The following KDM6A variants were observed in gnomAD, a reference collection of about 807,000 sequenced individuals.
The protein encoded by KDM6A is lysine demethylase 6A.
KDM6A carries 11 observed loss-of-function variants against 117.6 expected under a neutral mutation model. The observed-to-expected ratio is 0.09, with a 90% CI of 0.06 to 0.15. The LOEUF is 0.15. Among genes scored for constraint, KDM6A ranks in the 10% least tolerant of loss-of-function variants. The pLI is 1.00. For missense variants in KDM6A, 799 were observed against 1,077.3 expected, an observed-to-expected ratio of 0.74 and a Z score of 3.62; for synonymous variants, 384 against 396.1, an observed-to-expected ratio of 0.97 and a Z score of 0.36.
In KDM6A at chrX:45,002,754, C is replaced by T. The variant is rs750381861; in HGVS notation, c.385-8207C>T. Among the ~76,000 whole-genome samples, 3 of 110,079 alleles carry T rather than the reference C, an allele frequency of 2.7e-5. No homozygotes were observed. The South Asian group carries it at 1.2e-3, about 43-fold the overall frequency. ...CAGACAATTCTTTGACATACCTCAA[C>T]TTTCTGACTTGTTGCAAACATCCCT... On this transcript the variant is annotated intron_variant, in intron 4 of 29. Coordinates refer to ENST00000611820, the MANE Select transcript of KDM6A (RefSeq NM_001291415.2).
intron 2 of KDM6A, among the ~76,000 whole-genome samples, chrX:44,915,358 C>G (rs1478919679): frequency 2.7e-5 from 3 of 111,938 alleles, no homozygotes; most frequent in African/African-American, 9.7e-5. Flanking sequence ...TTTTCTGAGA[C>G]CTAGCCCAAT....
At chrX:44,953,539 C>T (rs1446268474) in intron 2 of KDM6A, among the ~76,000 whole-genome samples, 1 of 111,915 alleles carries the variant, frequency 8.9e-6, no homozygotes, top group African/African-American at 3.2e-5. Context: ...AGTATATGTG[C>T]TTACATCTGC....
intron 4 of KDM6A, among the ~76,000 whole-genome samples, chrX:45,007,342 A>C (rs1234816527): frequency 9.0e-6 from 1 of 110,923 alleles, no homozygotes; most frequent in Non-Finnish European, 1.9e-5. Flanking sequence ...GCTTCTTTTT[A>C]TTTCCTATTT....
chrX:45,040,362 T>C, intron 8 of KDM6A, among the ~76,000 whole-genome samples: 1 of 87,911 alleles, frequency 1.1e-5, no homozygotes. Flanking sequence ...GAGGCCCCCC[T>C]CACCTCCCGG....
At position 44,918,759 on chromosome X, in the gene KDM6A, G is replaced by A. The variant is rs146533480; in HGVS notation, c.226-42525G>A. Among the ~76,000 whole-genome samples, 944 of 111,572 alleles carry A rather than the reference G, an allele frequency of 8.5e-3. 11 individuals carry two copies. Among genetic ancestry groups the A allele is most frequent in the African/African-American group, 0.029 (906 of 30,730 alleles). On this transcript the variant is annotated intron_variant, in intron 2 of 29. Coordinates refer to ENST00000611820, the MANE Select transcript of KDM6A (RefSeq NM_001291415.2). ...ATTTGTAAGGAAATACAGTTGAAAGGTATCTCAGATTCCTGATTTAGCCAT... is the reference window on the plus strand; with the variant it reads ...ATTTGTAAGGAAATACAGTTGAAAGATATCTCAGATTCCTGATTTAGCCAT...
intron 4 of KDM6A, among the ~76,000 whole-genome samples, chrX:44,988,028 G>A (rs898660067): frequency 6.3e-5 from 7 of 111,693 alleles, no homozygotes; most frequent in East Asian, 2.8e-4. Context: ...CATTCTCCCC[G>A]TCACTTTCAG....
intron 21 of KDM6A, among the ~76,000 whole-genome samples, chrX:45,081,206 A>G (rs1202933426): frequency 8.9e-6 from 1 of 112,133 alleles, no homozygotes; most frequent in East Asian, 2.8e-4. Flanking sequence ...TGCTGAGATT[A>G]TAGGCATGAG....
At chrX:44,883,705 T>C (rs1034837539) in intron 2 of KDM6A, among the ~76,000 whole-genome samples, 1 of 111,300 alleles carries the variant, frequency 9.0e-6, no homozygotes, top group African/African-American at 3.3e-5. Flanking sequence ...GAGAAGTGAC[T>C]GAGGGAAACT....
intron 4 of KDM6A, among the ~76,000 whole-genome samples, chrX:45,007,163 A>C (rs767978380): frequency 1.8e-5 from 2 of 111,575 alleles, no homozygotes; most frequent in South Asian, 7.5e-4. Flanking sequence ...AAGAATGACA[A>C]TAACCTCTGC....
chrX:45,089,712 A>G (rs1300966735), intron 25 of KDM6A, 31 bp from the exon 26 acceptor site: 1 of 1,054,112 alleles, frequency 9.5e-7, no homozygotes, highest in Non-Finnish European at 1.3e-6. Context: ...AATGTAGTTG[A>G]TCCATTTGCA....
At chrX:44,985,175 T>C (rs1399677906) in intron 4 of KDM6A, among the ~76,000 whole-genome samples, 1 of 111,208 alleles carries the variant, frequency 9.0e-6, no homozygotes, top group Non-Finnish European at 1.9e-5. Flanking sequence ...TTTGAAGCAA[T>C]TGTGAATGGG....
chrX:45,040,440 CG>C (rs1294873724), intron 8 of KDM6A, among the ~76,000 whole-genome samples: 3 of 80,840 alleles, frequency 3.7e-5, no homozygotes, highest in Non-Finnish European at 7.3e-5. Flanking sequence ...GCTGGCCGGG[CG>C]GGGGGCTGAC....
At chrX:44,982,549 C>T (rs2039964934) in intron 4 of KDM6A, among the ~76,000 whole-genome samples, 1 of 111,543 alleles carries the variant, frequency 9.0e-6, no homozygotes, top group Admixed American at 9.6e-5. Context: ...TACTTTTGCA[C>T]CTAAGATTCA....
chrX:45,042,144 C>T (rs1193336466), intron 8 of KDM6A, among the ~76,000 whole-genome samples: 10 of 107,654 alleles, frequency 9.3e-5, no homozygotes, highest in Non-Finnish European at 1.2e-4. Context: ...CGCAGGCACT[C>T]GGCAGGCTGA....
At chrX:44,984,382 G>T (rs2040082871) in intron 4 of KDM6A, among the ~76,000 whole-genome samples, 1 of 111,394 alleles carries the variant, frequency 9.0e-6, no homozygotes, top group Admixed American at 9.5e-5. Context: ...TCTGATGGTA[G>T]TTTCTTTTGC....
intron 18 of KDM6A, among the ~76,000 whole-genome samples, 186 bp from the exon 19 acceptor site, chrX:45,076,511 G>C (rs1369632198): frequency 9.0e-6 from 1 of 110,693 alleles, no homozygotes; most frequent in Non-Finnish European, 1.9e-5. Flanking sequence ...AGGATATATA[G>C]GAATCAAGTC....
At chrX:44,994,304 T>C (rs1405302018) in intron 4 of KDM6A, among the ~76,000 whole-genome samples, 1 of 111,682 alleles carries the variant, frequency 9.0e-6, no homozygotes, top group African/African-American at 3.3e-5. Context: ...TCCTATGAGA[T>C]AGATATTCTT....
At chrX:44,878,031 A>C (rs996795477) in intron 2 of KDM6A, among the ~76,000 whole-genome samples, 2 of 111,677 alleles carry the variant, frequency 1.8e-5, no homozygotes, top group Non-Finnish European at 3.8e-5. Flanking sequence ...ATGTTGATTA[A>C]AAACATTCTC....
chrX:44,941,205 G>C (rs2037299323), intron 2 of KDM6A, among the ~76,000 whole-genome samples: 1 of 111,750 alleles, frequency 8.9e-6, no homozygotes, highest in South Asian at 3.7e-4. Flanking sequence ...TTTTGCTGAT[G>C]CCAGCAGTTT....
Sources: allele counts gnomAD v4.1 joint callset (sites outside exome capture counted in the v4.1 genomes callset), GRCh38; gene constraint gnomAD v4.1.1; transcripts MANE v1.5; gene names NCBI Gene and HGNC (gene_info 2026-07-23, HGNC 2026-07-21).